EFEMP2: variants seen among roughly 807,000 people sequenced by gnomAD.
EFEMP2 encodes the protein EGF-containing fibulin-like extracellular matrix protein 2.
Under a neutral mutation model 55.3 loss-of-function variants are expected in EFEMP2, and 21 were observed. The ratio of observed to expected loss-of-function variants is 0.38; its 90% CI spans 0.27 to 0.55. The LOEUF is 0.55. EFEMP2 is among the 20% of genes least tolerant of loss of function. EFEMP2 has a pLI of 0.77. For missense variants in EFEMP2, 513 were observed against 615.1 expected, an observed-to-expected ratio of 0.83 and a Z score of 1.76; for synonymous variants, 275 against 242.3, an observed-to-expected ratio of 1.14 and a Z score of -1.25.
chr11:65,870,956 C>A, intron 4 of EFEMP2: 1 of 748,610 alleles, frequency 1.3e-6, no homozygotes. Flanking sequence ...CTGCAGCAAC[C>A]GAGGGGAGGG....
At position 65,869,961 on chromosome 11, in the gene EFEMP2, T is replaced by C. The variant is rs771683083; in HGVS notation, c.623A>G (p.Asp208Gly). 7 of 1,613,868 alleles carry C rather than the reference T, an allele frequency of 4.3e-6. No individual in the cohort carries two copies. In the South Asian group the frequency reaches 6.6e-5, roughly 15 times the overall value. Residue 208 changes from aspartate to glycine, a missense_variant, in exon 7 of 11, where the codon GAC (aspartate) becomes GGC (glycine). Physicochemically the swap from Asp to Gly is moderately conservative, Grantham distance 94 (BLOSUM62 -1). Transcript: ENST00000307998. ...NRSCVDVNEC[D>G]MGAPCEQRCF... ...GCGCTGCTCGCATGGGGCCCCCATG[T>C]CACACTCGTTCACATCTGGGGGTGC... is the stretch of plus-strand genomic sequence containing the variant.
Position 65,867,936 on chromosome 11 carries a change from C to T in EFEMP2, c.1095G>A (p.Ala365=), listed in dbSNP as rs369627072. 260 of 1,613,964 alleles carry T rather than the reference C, an allele frequency of 1.6e-4. 1 individual carries two copies. The highest frequency in any genetic ancestry group is 2.1e-4 in the Non-Finnish European group (252 of 1,180,048). ...SVPADVFQIQ[A]TSVYPGAYNA... ...TGTAGGCACCGGGGTAGACGGAGGT[C>T]GCCTGGATCTGGAACACGTCAGCGG... The change falls in exon 10 of 11, where the codon GCG becomes GCA. Residue 365 remains alanine, a synonymous_variant. Coordinates refer to ENST00000307998, the MANE Select transcript of EFEMP2 (RefSeq NM_016938.5).
intron 10 of EFEMP2, 28 bp from the exon 11 acceptor site, chr11:65,867,107 T>C (rs563662567): frequency 1.6e-5 from 26 of 1,612,928 alleles, no homozygotes; most frequent in Admixed American, 8.3e-5. Context: ...GGGGGACATA[T>C]ATATTGTGTC....
rs1376305530 is a variant in EFEMP2, at chr11:65,869,637, C to G, written c.727+220G>C. The G allele has an allele frequency of 4.7e-6, 3 of 644,892 alleles. No individual in the cohort carries two copies. In the African/African-American group the frequency reaches 5.4e-5, roughly 12 times the overall value. 39.9% of individuals were successfully genotyped at this position (644,892 alleles called of 1,614,324 possible). ...CAGGTGGCACCCACATCCTCAGTCT[C>G]ACCAGTAGGCTTCAGTAAGGACGTA... On this transcript the variant is annotated intron_variant, in intron 7 of 10. Coordinates refer to ENST00000307998, the MANE Select transcript of EFEMP2 (RefSeq NM_016938.5).
Position 65,871,957 on chromosome 11 carries a change from C to A in EFEMP2, c.160+13G>T, listed in dbSNP as rs1395974195. On this transcript the variant is annotated intron_variant, in intron 3 of 10. Coordinates refer to ENST00000307998, the MANE Select transcript of EFEMP2 (RefSeq NM_016938.5). ...GGGTTCCTGGGGGTGTTTGGTCCCC[C>A]AGGCACACACACCCCGGCAGTGCTG... is the stretch of plus-strand genomic sequence containing the variant. The A allele has an allele frequency of 1.9e-6, 3 of 1,551,530 alleles. No individual in the cohort carries two copies. The highest frequency in any genetic ancestry group is 1.4e-5 in the African/African-American group (1 of 73,138).
chr11:65,868,323 C>A lies in EFEMP2; in HGVS notation c.946G>T (p.Val316Leu), dbSNP rs113167523. 74 of 1,613,766 alleles carry A rather than the reference C, an allele frequency of 4.6e-5. No individual in the cohort carries two copies. The African/African-American group carries it at 8.5e-4, about 19-fold the overall frequency. ...TCAGAGACCTGGATGTAGGGCTCCA[C>A]GCAGCGGTTGGTGTCCACGCAGCGG... ...GYRCVDTNRC[V>L]EPYIQVSENR... is the part of the protein sequence containing the mutation. The change falls in exon 9 of 11, where the codon GTG becomes TTG. Residue 316 changes from valine (V) to leucine (L), a missense_variant. By Grantham distance (32) the Val-to-Leu change is conservative (BLOSUM62 1). Transcript: ENST00000307998.
chr11:65,870,883 C>T (rs994722359), intron 4 of EFEMP2: 7 of 729,162 alleles, frequency 9.6e-6, no homozygotes, highest in Non-Finnish European at 1.6e-5. Context: ...CTGGACTGTC[C>T]TTCCTCCAAG....
At chr11:65,871,440 G>C in intron 3 of EFEMP2, 77 bp from the exon 4 acceptor site, 1 of 1,390,488 alleles carries the variant, frequency 7.2e-7, no homozygotes, top group Non-Finnish European at 1.0e-6. Flanking sequence ...AACCCAGCTC[G>C]GCCTTCTCTG....
chr11:65,872,629 CT>C (rs1859986081), intron 1 of EFEMP2, 53 bp downstream of exon 1: 1 of 288,624 alleles, frequency 3.5e-6, no homozygotes, highest in Non-Finnish European at 6.5e-6. Context: ...CTGCCGCGGA[CT>C]CGGCCGAGAC....
rs749830598 is a variant in EFEMP2 at position 65,866,826 on chromosome 11, T to G, written c.*92A>C. On this transcript the variant is annotated 3_prime_UTR_variant, in exon 11 of 11. Transcript: ENST00000307998. ...CCCGCCCACCTCAGCCACCAGGACT[T>G]TCTTTCTCCCTTTATTGCCTTTCTC... is the stretch of plus-strand genomic sequence containing the variant. 9.8e-6 allele frequency: 15 copies of G among 1,525,750 alleles called. No individual in the cohort carries two copies. The highest frequency in any genetic ancestry group is 1.4e-5 in the African/African-American group (1 of 72,688). The allele number at this position is 1,525,750 out of a possible 1,614,324, so 94.5% of individuals were successfully genotyped here.
intron 10 of EFEMP2, chr11:65,867,345 C>T: frequency 1.8e-6 from 1 of 552,734 alleles, no homozygotes; most frequent in East Asian, 3.1e-5. Context: ...GATTCAAGGC[C>T]ACATGTGGCT....
At position 65,866,957 on chromosome 11, in the gene EFEMP2, TAC is replaced by T. The variant is rs1370492438; in HGVS notation, c.1291_1292del (p.Val431ThrfsTer26). On this transcript the variant is annotated frameshift_variant, in exon 11 of 11. Transcript: ENST00000307998. LOFTEE classifies it high-confidence loss of function. ...CCCCTACAAAGACGGTGAGCCTCAG[TAC>T]AGAGCTGGCCCGGTAGCTCATGAGG... ...NSLMSYRASS[V>X]LRLTVFVGAY... 6.2e-7 allele frequency: 1 copy of T among 1,614,124 alleles called. No individual in the cohort carries two copies. The highest frequency in any genetic ancestry group is 8.5e-7 in the Non-Finnish European group (1 of 1,179,998).
Position 65,872,772 on chromosome 11 carries a change from A to G in EFEMP2, c.-97T>C. 3.6e-6 allele frequency: 1 copy of G among 277,192 alleles called. No individual in the cohort carries two copies. The highest frequency in any genetic ancestry group is 3.0e-5 in the South Asian group (1 of 32,808). 17.2% of individuals were successfully genotyped at this position (277,192 alleles called of 1,614,324 possible). ...GGGCAGACGGACGGGCGGACGGCAC[A>G]GCTCCCTGGACGCGCGGCCCCAGGA... On this transcript the variant is annotated 5_prime_UTR_variant, in exon 1 of 11. Coordinates refer to ENST00000307998, the MANE Select transcript of EFEMP2 (RefSeq NM_016938.5).
chr11:65,867,840 T>C, intron 10 of EFEMP2, 21 bp downstream of exon 10: 1 of 1,613,570 alleles, frequency 6.2e-7, no homozygotes, highest in Non-Finnish European at 8.5e-7. Context: ...GCATGTCAGT[T>C]GAGGGTTGCA....
At chr11:65,868,954 G>A in intron 7 of EFEMP2, 1 of 384,362 alleles carries the variant, frequency 2.6e-6, no homozygotes, top group South Asian at 2.1e-5. Flanking sequence ...TGTTAGACTA[G>A]ATGAGTCTTA....
At chr11:65,869,580 C>G in intron 7 of EFEMP2, 1 of 485,486 alleles carries the variant, frequency 2.1e-6, no homozygotes, top group Non-Finnish European at 3.8e-6. Flanking sequence ...AATTCAAATG[C>G]AGGTAAATGC....
At position 65,871,338 on chromosome 11, in the gene EFEMP2, A is replaced by G. The variant is rs745699648; in HGVS notation, c.186T>C (p.Pro62=). 5 of 1,614,024 alleles carry G rather than the reference A, an allele frequency of 3.1e-6. No individual in the cohort carries two copies. Among genetic ancestry groups the G allele is most frequent in the Admixed American group, 1.7e-5 (1 of 60,004 alleles). Residue 62 remains proline, a synonymous_variant, in exon 4 of 11, where the codon CCT becomes CCC. Coordinates refer to ENST00000307998, the MANE Select transcript of EFEMP2 (RefSeq NM_016938.5). Reference sequence around the variant, plus strand: ...ACTTCATTTCCCCCTTGCAGGCCTCAGGGATGGTCAGACACTCGTTGACAT... The same window carrying G: ...ACTTCATTTCCCCCTTGCAGGCCTCGGGGATGGTCAGACACTCGTTGACAT... ...CRDVNECLTI[P]EACKGEMKCI... is the part of the protein sequence containing the mutation.
chr11:65,867,175 A>AGAG, intron 10 of EFEMP2, 96 bp from the exon 11 acceptor site: 1 of 1,510,576 alleles, frequency 6.6e-7, no homozygotes. Context: ...GCCGTGAGGC[A>AGAG]GAGGAACAGC....
At chr11:65,868,712 G>T in intron 7 of EFEMP2, 83 bp from the exon 8 acceptor site, 1 of 1,578,986 alleles carries the variant, frequency 6.3e-7, no homozygotes. Flanking sequence ...AGAAGGCCCA[G>T]CCCCATGTTA....
Sources: allele counts gnomAD v4.1 joint callset, GRCh38; gene constraint gnomAD v4.1.1; transcripts MANE v1.5; gene names NCBI Gene and HGNC (gene_info 2026-07-23, HGNC 2026-07-21).